LGR6: variants seen among roughly 807,000 people sequenced by gnomAD.
LGR6 encodes leucine rich repeat containing G protein-coupled receptor 6, also known as leucine-rich repeat-containing G protein-coupled receptor 6.
LGR6 carries 45 observed loss-of-function variants against 69.4 expected under a neutral mutation model. That is an observed-to-expected ratio of 0.65 (90% CI 0.51 to 0.83). The LOEUF (loss-of-function observed/expected upper bound fraction) is 0.83, where lower values mean the gene tolerates loss of function less well. LGR6 is among the 40% of genes least tolerant of loss of function. The pLI is 0.00. For synonymous variants in LGR6, 538 were observed against 555.0 expected, an observed-to-expected ratio of 0.97 and a Z score of 0.43; for missense variants, 1,108 against 1,246.7, an observed-to-expected ratio of 0.89 and a Z score of 1.68.
At chr1:202,214,221 C>A in intron 1 of LGR6, 1 of 1,540,104 alleles carries the variant, frequency 6.5e-7, no homozygotes, top group South Asian at 1.2e-5. Context: ...TGGGAGTGCA[C>A]GGCGCGGTGC....
rs373119522 is a variant in LGR6, at chr1:202,229,007, G to A, written c.356+1000G>A. On this transcript the variant is annotated intron_variant, in intron 3 of 17. Transcript: ENST00000367278. ...AGGAAGTGAGAAGGGGCTGAATCCC[G>A]TCCTGTGCCCTGGCTTGGGGCTGCA... 1.5e-3 allele frequency among the ~76,000 whole-genome samples: 233 copies of A among 152,244 alleles called. 4 individuals carry two copies. In the South Asian group the frequency reaches 0.046, roughly 30 times the overall value.
At chr1:202,282,361 A>G (rs186850578) in intron 6 of LGR6, among the ~76,000 whole-genome samples, 64 of 152,292 alleles carry the variant, frequency 4.2e-4, no homozygotes, top group Non-Finnish European at 3.4e-4. Context: ...GAGCAGATCT[A>G]GGGTGCATTA....
At position 202,306,160 on chromosome 1, in the gene LGR6, C is replaced by G. The variant is rs539871576; in HGVS notation, c.1136+411C>G. On this transcript the variant is annotated intron_variant, in intron 12 of 17. Transcript: ENST00000367278. ...CTCCTTTTCCATACCTCTAAACACG[C>G]ACATGCATATGTGTGTATGTGTTTG... Among the ~76,000 whole-genome samples the G allele has an allele frequency of 4.0e-4, 61 of 152,238 alleles. No individual in the cohort carries two copies. In the South Asian group the frequency reaches 7.1e-3, roughly 18 times the overall value.
At chr1:202,249,457 T>C (rs1379027950) in intron 4 of LGR6, among the ~76,000 whole-genome samples, 1 of 152,194 alleles carries the variant, frequency 6.6e-6, no homozygotes, top group Non-Finnish European at 1.5e-5. Context: ...CATCTGCCCA[T>C]GGACTCAGTA....
At chr1:202,204,374 CCA>C (rs763825102) in intron 1 of LGR6, among the ~76,000 whole-genome samples, 4 of 107,202 alleles carry the variant, frequency 3.7e-5, no homozygotes, top group East Asian at 5.2e-4. Flanking sequence ...ACACACACCT[CCA>C]CACACACACC....
chr1:202,288,106 G>A (rs571043614), intron 6 of LGR6, among the ~76,000 whole-genome samples: 4 of 152,148 alleles, frequency 2.6e-5, no homozygotes, highest in South Asian at 2.1e-4. Flanking sequence ...GTCCAGGCAC[G>A]ATGGCCTCCT....
At chr1:202,263,796 G>A (rs1049030490) in intron 4 of LGR6, among the ~76,000 whole-genome samples, 1 of 152,210 alleles carries the variant, frequency 6.6e-6, no homozygotes, top group African/African-American at 2.4e-5. Context: ...AATAAACTAT[G>A]TACTGTGGGA....
At chr1:202,251,128 C>T (rs1022205077) in intron 4 of LGR6, among the ~76,000 whole-genome samples, 1 of 152,046 alleles carries the variant, frequency 6.6e-6, no homozygotes, top group African/African-American at 2.4e-5. Context: ...CAGATGACGG[C>T]CTGATATAGG....
chr1:202,303,886 C>T (rs1262010598), intron 10 of LGR6, among the ~76,000 whole-genome samples: 3 of 152,198 alleles, frequency 2.0e-5, no homozygotes, highest in Non-Finnish European at 4.4e-5. Flanking sequence ...ACCACTGGGA[C>T]TGGGGCTCTC....
chr1:202,224,520 GT>G (rs1417633552), intron 1 of LGR6, among the ~76,000 whole-genome samples: 1 of 152,184 alleles, frequency 6.6e-6, no homozygotes, highest in African/African-American at 2.4e-5. Context: ...CCAGGGACCA[GT>G]TTCATGGAAG....
At position 202,318,563 on chromosome 1, in the gene LGR6, C is replaced by T. The variant is rs960552364; in HGVS notation, c.2260C>T (p.Leu754=). 3.7e-6 allele frequency: 6 copies of T among 1,614,000 alleles called. No homozygotes were observed. In the African/African-American group the frequency reaches 6.7e-5, roughly 18 times the overall value. The change falls in exon 18 of 18, where the codon CTG becomes TTG. Residue 754 remains leucine (L), a synonymous_variant. Transcript: ENST00000367278. ...GGTCGTGGCCGGTGCCTACATCAAA[C>T]TGTACTGTGACCTGCCGCGGGGCGA... ...FLVVAGAYIK[L]YCDLPRGDFE... is the part of the protein sequence containing the mutation.
intron 6 of LGR6, among the ~76,000 whole-genome samples, chr1:202,285,487 C>T (rs551426964): frequency 1.4e-4 from 21 of 152,322 alleles, no homozygotes; most frequent in Admixed American, 1.2e-3. Flanking sequence ...GCCTCGATTT[C>T]CACAGATAGA....
rs1445947563 is a variant in LGR6 at position 202,279,235 on chromosome 1, G to A, written c.645-1546G>A. 2.0e-5 allele frequency among the ~76,000 whole-genome samples: 3 copies of A among 152,204 alleles called. No individual in the cohort carries two copies. The East Asian group carries it at 5.8e-4, about 29-fold the overall frequency. On this transcript the variant is annotated intron_variant, in intron 5 of 17. Coordinates refer to ENST00000367278, the MANE Select transcript of LGR6 (RefSeq NM_001017403.2). Reference sequence around the variant, plus strand: ...AGTAAGGGGAGATCACTCCCAGAAGGCAGTGTTTTCCCCTTTGGATCAGAA... The same window carrying A: ...AGTAAGGGGAGATCACTCCCAGAAGACAGTGTTTTCCCCTTTGGATCAGAA...
chr1:202,201,936 G>A (rs1041408245), intron 1 of LGR6, among the ~76,000 whole-genome samples: 4 of 152,162 alleles, frequency 2.6e-5, no homozygotes, highest in Non-Finnish European at 5.9e-5. Flanking sequence ...AGGCAGTCAG[G>A]GTGATGACTG....
Position 202,193,875 on chromosome 1 carries a change from C to G in LGR6, c.-115C>G, listed in dbSNP as rs1234378816. The G allele has an allele frequency of 4.9e-5, 27 of 546,042 alleles. No individual in the cohort carries two copies. Among genetic ancestry groups the G allele is most frequent in the Non-Finnish European group, 7.1e-5 (27 of 379,830 alleles). 33.8% of individuals were successfully genotyped at this position (546,042 alleles called of 1,614,324 possible). On this transcript the variant is annotated 5_prime_UTR_variant, in exon 1 of 18. Transcript: ENST00000367278. The stretch of plus-strand genomic sequence containing the variant: ...CCGCCGCCGCCGCCCAATAGAGCCC[C>G]TGGGGCGGTCCCCACCGACGGTGCA...
At position 202,245,934 on chromosome 1, in the gene LGR6, GCATCCATC is replaced by G. The variant is rs937493245; in HGVS notation, c.428+9957_428+9964del. Among the ~76,000 whole-genome samples the G allele has an allele frequency of 5.3e-5, 8 of 151,210 alleles. No homozygotes were observed. In the East Asian group the frequency reaches 5.9e-4, roughly 11 times the overall value. On this transcript the variant is annotated intron_variant, in intron 4 of 17. Coordinates refer to ENST00000367278, the MANE Select transcript of LGR6 (RefSeq NM_001017403.2). Reference sequence around the variant, plus strand: ...TCCATTCATCCTTGCATCCATCCATGCATCCATCCATCCATCCATCCATTCATCCATCC... The same window carrying G: ...TCCATTCATCCTTGCATCCATCCATGCATCCATCCATCCATTCATCCATCC...
chr1:202,251,700 G>A (rs964315328), intron 4 of LGR6, among the ~76,000 whole-genome samples: 1 of 152,216 alleles, frequency 6.6e-6, no homozygotes, highest in African/African-American at 2.4e-5. Flanking sequence ...TCTGCCCCCA[G>A]CCCCAGGCCA....
chr1:202,278,070 G>T (rs1008438787), intron 5 of LGR6, among the ~76,000 whole-genome samples: 1 of 152,138 alleles, frequency 6.6e-6, no homozygotes, highest in African/African-American at 2.4e-5. Flanking sequence ...AGAGAGCTTG[G>T]CTTCTCTCTG....
In LGR6 at chr1:202,319,092, C is replaced by T; in HGVS notation, c.2789C>T (p.Pro930Leu). ...PEGNHFGNPQ[P>L]SMDGELLLRA... ...GGGAACCACTTTGGGAACCCCCAAC[C>T]CTCCATGGATGGAGAACTGCTGCTG... Residue 930 changes from proline to leucine, a missense_variant, in exon 18 of 18, where the codon CCC becomes CTC. Transcript: ENST00000367278. 7 of 1,614,230 alleles carry T rather than the reference C, an allele frequency of 4.3e-6. 1 individual carries two copies. Among genetic ancestry groups the T allele is most frequent in the Non-Finnish European group, 5.9e-6 (7 of 1,180,034 alleles).
Sources: gnomAD v4.1 joint callset for allele counts (sites outside exome capture counted in the v4.1 genomes callset) on GRCh38, gnomAD v4.1.1 for gene constraint, MANE v1.5 for transcripts, NCBI Gene and HGNC (gene_info 2026-07-23, HGNC 2026-07-21) for gene names.